Variants in AHI1 observed in about 807,000 individuals in gnomAD.
AHI1 encodes jouberin.
In AHI1, 123 loss-of-function variants were observed where a neutral mutation model predicts 149.3. The ratio of observed to expected loss-of-function variants is 0.82; its 90% CI spans 0.71 to 0.96. The LOEUF (loss-of-function observed/expected upper bound fraction) is 0.96, where lower values mean the gene tolerates loss of function less well. Among genes scored for constraint, AHI1 ranks in the 40% least tolerant of loss-of-function variants. The probability of loss-of-function intolerance (pLI) is 0.00; values close to 1 mark genes in which losing one functional copy is unlikely to be tolerated. For missense variants in AHI1, 1,439 were observed against 1,422.7 expected (o/e 1.01, Z -0.18); for synonymous variants, 475 against 459.8 (o/e 1.03, Z -0.42).
Position 135,301,174 on chromosome 6 carries a change from T to G in AHI1, c.3427-616A>C, listed in dbSNP as rs1417685190. 4.1e-6 allele frequency: 4 copies of G among 982,732 alleles called. No individual in the cohort carries two copies. In the African/African-American group the frequency reaches 7.0e-5, roughly 17 times the overall value. The allele number at this position is 982,732 out of a possible 1,614,324, so 60.9% of individuals were successfully genotyped here. A position where few individuals can be genotyped will look rare whatever the true frequency, so the allele number is the denominator to read the frequency against. ...GTATACTGTGGGAAATTGAGTTTGA[T>G]ATGATATATAATCTATAAATCAACC... On this transcript the variant is annotated intron_variant, in intron 26 of 28. Transcript: ENST00000265602.
chr6:135,376,484 A>G (rs2128462343), intron 23 of AHI1, among the ~76,000 whole-genome samples: 1 of 152,304 alleles, frequency 6.6e-6, no homozygotes, highest in South Asian at 2.1e-4. Context: ...GATGCAAACC[A>G]TTTACATGTA....
At chr6:135,287,021 A>G (rs1781767789) in intron 28 of AHI1, among the ~76,000 whole-genome samples, 1 of 152,236 alleles carries the variant, frequency 6.6e-6, no homozygotes, top group Non-Finnish European at 1.5e-5. Context: ...AACTTCTGCA[A>G]AAGGCAGTGA....
chr6:135,316,984 A>G (rs1458829347), intron 26 of AHI1, among the ~76,000 whole-genome samples: 1 of 152,114 alleles, frequency 6.6e-6, no homozygotes, highest in Non-Finnish European at 1.5e-5. Context: ...TGGCACCACT[A>G]TTTATTCAGT....
chr6:135,367,558 TTTTTC>T (rs990635582), intron 23 of AHI1, among the ~76,000 whole-genome samples: 1 of 152,096 alleles, frequency 6.6e-6, no homozygotes, highest in African/African-American at 2.4e-5. Flanking sequence ...TTAAAAAAAT[TTTTTC>T]TTTGTCTTTG....
At chr6:135,437,353 T>C (rs1287541379) in intron 15 of AHI1, among the ~76,000 whole-genome samples, 1 of 152,206 alleles carries the variant, frequency 6.6e-6, no homozygotes, top group Non-Finnish European at 1.5e-5. Flanking sequence ...TATTTTTCTC[T>C]AGTATGGCCT....
chr6:135,336,773 T>C (rs1789456004), intron 24 of AHI1, among the ~76,000 whole-genome samples: 1 of 152,328 alleles, frequency 6.6e-6, no homozygotes, highest in East Asian at 1.9e-4. Context: ...AATCATCTGA[T>C]ACATTATAGA....
intron 24 of AHI1, among the ~76,000 whole-genome samples, chr6:135,343,476 G>A (rs947091274): frequency 1.4e-4 from 22 of 151,766 alleles, no homozygotes; most frequent in East Asian, 3.8e-4. Context: ...GACACACCCT[G>A]ATTTTAAAAC....
At chr6:135,312,487 T>C (rs1170853386) in intron 26 of AHI1, among the ~76,000 whole-genome samples, 1 of 152,012 alleles carries the variant, frequency 6.6e-6, no homozygotes, top group Non-Finnish European at 1.5e-5. Flanking sequence ...GTACTTCAGC[T>C]TGGCAATAGA....
At chr6:135,293,477 T>C (rs943968728) in intron 27 of AHI1, among the ~76,000 whole-genome samples, 3 of 150,660 alleles carry the variant, frequency 2.0e-5, no homozygotes, top group Non-Finnish European at 4.4e-5. Flanking sequence ...GAAAACTGTC[T>C]TTTATTTGCA....
chr6:135,302,707 C>G, intron 26 of AHI1: 3 of 1,251,196 alleles, frequency 2.4e-6, no homozygotes, highest in Non-Finnish European at 3.1e-6. Flanking sequence ...AACACCTTTA[C>G]TCACTCATTC....
At chr6:135,468,457 A>G (rs1791157917) in intron 5 of AHI1, among the ~76,000 whole-genome samples, 1 of 152,116 alleles carries the variant, frequency 6.6e-6, no homozygotes, top group African/African-American at 2.4e-5. Flanking sequence ...TAATCCCAAC[A>G]GTTTGGGAGG....
intron 26 of AHI1, among the ~76,000 whole-genome samples, chr6:135,317,582 A>G (rs914646340): frequency 8.6e-5 from 13 of 151,760 alleles, no homozygotes; most frequent in Admixed American, 7.9e-4. Flanking sequence ...TCTGCATTAT[A>G]GTTTCTACCA....
rs545595145 is a variant in AHI1 at position 135,422,796 on chromosome 6, C to G, written c.2764+4371G>C. ...TGAGCCACCACACCCAGCCACCCCC[C>G]ACATTTTTAAGGGAGTGAACTATTA... On this transcript the variant is annotated intron_variant, in intron 20 of 28. Transcript: ENST00000265602. Among the ~76,000 whole-genome samples, 22 of 151,812 alleles carry G rather than the reference C, an allele frequency of 1.4e-4. 1 individual carries two copies. The East Asian group carries it at 3.1e-3, about 21-fold the overall frequency.
intron 24 of AHI1, among the ~76,000 whole-genome samples, chr6:135,336,121 A>AG (rs1789342752): frequency 6.6e-6 from 1 of 151,600 alleles, no homozygotes; most frequent in Non-Finnish European, 1.5e-5. Flanking sequence ...CTAAAAAAAA[A>AG]AAAAAAAAAA....
intron 23 of AHI1, among the ~76,000 whole-genome samples, chr6:135,379,762 T>C (rs893080428): frequency 2.0e-5 from 3 of 152,164 alleles, no homozygotes; most frequent in Admixed American, 1.3e-4. Context: ...CCAATCTAGC[T>C]ATACTGACCT....
intron 5 of AHI1, chr6:135,489,817 G>C (rs1377763402): frequency 5.6e-6 from 1 of 177,000 alleles, no homozygotes; most frequent in Non-Finnish European, 1.1e-5. Flanking sequence ...ATACTAAAAT[G>C]AACAGGTCTT....
intron 13 of AHI1, among the ~76,000 whole-genome samples, chr6:135,443,576 C>T (rs777771016): frequency 1.3e-5 from 2 of 152,114 alleles, no homozygotes; most frequent in Non-Finnish European, 2.9e-5. Context: ...AGGGATTATT[C>T]AAAGGGTCAA....
chr6:135,490,383 G>C lies in AHI1; in HGVS notation c.135+240C>G, dbSNP rs989441901. 2.0e-5 allele frequency: 13 copies of C among 648,276 alleles called. No individual in the cohort carries two copies. The South Asian group carries it at 2.2e-4, about 11-fold the overall frequency. 40.2% of individuals were successfully genotyped at this position (648,276 alleles called of 1,614,324 possible). Reference sequence around the variant, plus strand: ...AGTTTTGAGTTTCCCCACTATCTCTGGTCATTTTCCCCACTGTGTGTGTGT... The same window carrying C: ...AGTTTTGAGTTTCCCCACTATCTCTCGTCATTTTCCCCACTGTGTGTGTGT... On this transcript the variant is annotated intron_variant, in intron 5 of 28. Transcript: ENST00000265602.
At chr6:135,293,881 C>A (rs1562445731) in intron 27 of AHI1, among the ~76,000 whole-genome samples, 1 of 152,138 alleles carries the variant, frequency 6.6e-6, no homozygotes, top group Non-Finnish European at 1.5e-5. Context: ...CTAAAATTCA[C>A]GTGGAAATGG....
Sources: allele counts gnomAD v4.1 joint callset (sites outside exome capture counted in the v4.1 genomes callset), GRCh38; gene constraint gnomAD v4.1.1; transcripts MANE v1.5; gene names NCBI Gene and HGNC (gene_info 2026-07-23, HGNC 2026-07-21).